GSE1: variants seen among roughly 807,000 people sequenced by gnomAD.
GSE1 encodes Gse1 coiled-coil protein, also known as genetic suppressor element 1.
Under a neutral mutation model 112.6 loss-of-function variants are expected in GSE1, and 32 were observed. The observed-to-expected ratio is 0.28, with a 90% CI of 0.21 to 0.38. The LOEUF (loss-of-function observed/expected upper bound fraction) is 0.38, where lower values mean the gene tolerates loss of function less well. Ranked by LOEUF, GSE1 falls within the 10% of genes least tolerant of loss-of-function variation. The pLI, the probability that GSE1 is intolerant of heterozygous loss-of-function variation, is 1.00. For synonymous variants in GSE1, 1,115 were observed against 735.6 expected, an observed-to-expected ratio of 1.52 and a Z score of -8.35; for missense variants, 2,348 against 1,699.2, an observed-to-expected ratio of 1.38 and a Z score of -6.71.
chr16:85,235,560 T>C (rs1025963948), intron 1 of GSE1, among the ~76,000 whole-genome samples: 1 of 75,466 alleles, frequency 1.3e-5, no homozygotes, highest in Non-Finnish European at 2.6e-5. Context: ...AAAGGGACTA[T>C]ATGTGTGTGT....
chr16:85,253,381 C>T (rs748264555), intron 1 of GSE1, among the ~76,000 whole-genome samples: 1 of 152,170 alleles, frequency 6.6e-6, no homozygotes, highest in Non-Finnish European at 1.5e-5. Context: ...CCTGCCAGAT[C>T]CTGCAGAGCT....
chr16:85,398,902 A>G lies in GSE1; in HGVS notation c.2464+41259A>G, dbSNP rs57525545. On this transcript the variant is annotated intron_variant, in intron 2 of 2. Coordinates refer to the GSE1 transcript ENST00000637419. ...ACCGACATGTGTGGTATGTTTGTGTAGACATGTATAATGCATGTCGAGTGT... is the reference window on the plus strand; with the variant it reads ...ACCGACATGTGTGGTATGTTTGTGTGGACATGTATAATGCATGTCGAGTGT... 7.5e-3 allele frequency among the ~76,000 whole-genome samples: 1,147 copies of G among 152,266 alleles called. 18 individuals carry two copies. Among genetic ancestry groups the G allele is most frequent in the African/African-American group, 0.026 (1,087 of 41,534 alleles).
intron 1 of GSE1, among the ~76,000 whole-genome samples, chr16:85,571,701 G>C (rs1301276340): frequency 2.0e-5 from 3 of 152,250 alleles, no homozygotes; most frequent in Non-Finnish European, 4.4e-5. Flanking sequence ...CTGAGGGGGA[G>C]AAACAGGTCA....
At chr16:85,530,219 C>A (rs981091374) in intron 2 of GSE1, among the ~76,000 whole-genome samples, 2 of 152,178 alleles carry the variant, frequency 1.3e-5, no homozygotes, top group African/African-American at 4.8e-5. Flanking sequence ...AAGCTCCTAA[C>A]GATATTGATC....
chr16:85,326,776 A>G (rs2046236081), intron 1 of GSE1, among the ~76,000 whole-genome samples: 1 of 152,236 alleles, frequency 6.6e-6, no homozygotes, highest in African/African-American at 2.4e-5. Context: ...TCCAGGGTAG[A>G]AGCTGTGATC....
chr16:85,196,548 G>C (rs1251745340), intron 1 of GSE1, among the ~76,000 whole-genome samples: 1 of 152,142 alleles, frequency 6.6e-6, no homozygotes, highest in East Asian at 1.9e-4. Context: ...AGTCTCTGGT[G>C]CCCAGGGGGA....
chr16:85,629,531 C>T (rs991538527), intron 1 of GSE1, among the ~76,000 whole-genome samples: 1 of 152,246 alleles, frequency 6.6e-6, no homozygotes, highest in East Asian at 1.9e-4. Context: ...CGAGCTGGGC[C>T]CTGGCTGGCT....
chr16:85,291,710 C>G (rs764025546), intron 1 of GSE1, among the ~76,000 whole-genome samples: 33 of 152,324 alleles, frequency 2.2e-4, no homozygotes, highest in Non-Finnish European at 3.5e-4. Context: ...CTGCCCTCAC[C>G]CTGTGGGGGT....
intron 2 of GSE1, among the ~76,000 whole-genome samples, chr16:85,418,411 C>G (rs375681181): frequency 9.8e-5 from 15 of 152,334 alleles, no homozygotes; most frequent in East Asian, 5.8e-4. Flanking sequence ...CTGCTTGTCT[C>G]GTCTACTGCT....
chr16:85,188,901 C>A lies in GSE1; in HGVS notation c.2283+17094C>A, dbSNP rs996554190. Among the ~76,000 whole-genome samples, 4 of 152,068 alleles carry A rather than the reference C, an allele frequency of 2.6e-5. No individual in the cohort carries two copies. In the South Asian group the frequency reaches 6.2e-4, roughly 24 times the overall value. On this transcript the variant is annotated intron_variant, in intron 1 of 2. Transcript: ENST00000637419. The stretch of plus-strand genomic sequence containing the variant: ...GTTCTTACATTCACCTTTCTTAACC[C>A]TCAAAATTTAATGCAAAATCTGGTG...
chr16:85,235,664 G>A (rs573794088), intron 1 of GSE1, among the ~76,000 whole-genome samples: 164 of 151,688 alleles, frequency 1.1e-3, no homozygotes, highest in African/African-American at 3.9e-3. Flanking sequence ...CCCGAGGGTG[G>A]GGTTGGATTC....
chr16:85,300,093 CCT>C (rs2045478718), intron 1 of GSE1, among the ~76,000 whole-genome samples: 1 of 151,902 alleles, frequency 6.6e-6, no homozygotes, highest in African/African-American at 2.4e-5. Context: ...CTCACCGTAA[CCT>C]CTGCCTCCCG....
intron 1 of GSE1, among the ~76,000 whole-genome samples, chr16:85,211,644 T>C (rs2075227827): frequency 6.6e-6 from 1 of 152,106 alleles, no homozygotes; most frequent in Non-Finnish European, 1.5e-5. Flanking sequence ...AGCTGTGTGG[T>C]TCCCATCTGG....
chr16:85,499,454 G>A (rs1356543491), intron 2 of GSE1, among the ~76,000 whole-genome samples: 1 of 151,886 alleles, frequency 6.6e-6, no homozygotes, highest in African/African-American at 2.4e-5. Context: ...GTGACTACAG[G>A]CACCCGCCAC....
chr16:85,378,351 G>C (rs1371035991), intron 2 of GSE1, among the ~76,000 whole-genome samples: 1 of 152,138 alleles, frequency 6.6e-6, no homozygotes, highest in Non-Finnish European at 1.5e-5. Context: ...CCTCCTGGGG[G>C]CAGTCTCCTC....
intron 2 of GSE1, among the ~76,000 whole-genome samples, chr16:85,395,301 G>A (rs753372456): frequency 3.5e-4 from 53 of 152,278 alleles, no homozygotes; most frequent in South Asian, 2.1e-4. Flanking sequence ...GGGCAGTGGC[G>A]CCTGCTGAGC....
At chr16:85,261,056 G>A (rs1052443209) in intron 1 of GSE1, among the ~76,000 whole-genome samples, 2 of 152,184 alleles carry the variant, frequency 1.3e-5, no homozygotes, top group Non-Finnish European at 2.9e-5. Flanking sequence ...GGCCTCTCTC[G>A]GGTGCTCTGG....
intron 1 of GSE1, among the ~76,000 whole-genome samples, chr16:85,191,447 A>G (rs2074818718): frequency 3.3e-5 from 5 of 152,176 alleles, no homozygotes; most frequent in Non-Finnish European, 1.5e-5. Flanking sequence ...GCCTGGCCAC[A>G]TTAGCTTTCA....
chr16:85,425,323 A>AGGTGATGTGAGGTGGTGACG (rs56027378), intron 2 of GSE1, among the ~76,000 whole-genome samples: 11 of 151,754 alleles, frequency 7.2e-5, no homozygotes, highest in Non-Finnish European at 1.5e-4. Flanking sequence ...AGGTGGTGAC[A>AGGTGATGTGAGGTGGTGACG]GCAGGAAGCA....
Sources: allele counts gnomAD v4.1 joint callset (sites outside exome capture counted in the v4.1 genomes callset), GRCh38; gene constraint gnomAD v4.1.1; transcripts MANE v1.5; gene names NCBI Gene and HGNC (gene_info 2026-07-23, HGNC 2026-07-21).